DNAH6: variants seen among roughly 807,000 people sequenced by gnomAD.
The protein encoded by DNAH6 is dynein axonemal heavy chain 6, also known as axonemal beta dynein heavy chain 6.
Under a neutral mutation model 491.4 loss-of-function variants are expected in DNAH6, and 340 were observed. The ratio of observed to expected loss-of-function variants is 0.69; its 90% confidence interval spans 0.63 to 0.76. The LOEUF (loss-of-function observed/expected upper bound fraction) is 0.76. Ranked by LOEUF, DNAH6 falls within the 30% of genes least tolerant of loss-of-function variation. The pLI is 0.00. For synonymous variants in DNAH6, 1,603 were observed against 1,686.1 expected, an observed-to-expected ratio of 0.95 and a Z score of 1.21; for missense variants, 4,443 against 4,972.2, an observed-to-expected ratio of 0.89 and a Z score of 3.20.
intron 18 of DNAH6, among the ~76,000 whole-genome samples, chr2:84,601,010 A>AATATTATAATAATAATGTTATTATT (rs1685162032): frequency 7.6e-6 from 1 of 131,638 alleles, no homozygotes; most frequent in African/African-American, 3.8e-5. Context: ...ATACTATAAT[A>AATATTATAATAATAATGTTATTATT]ATATTATAAT....
chr2:84,607,415 A>T (rs1176694800), intron 21 of DNAH6, among the ~76,000 whole-genome samples: 1 of 152,150 alleles, frequency 6.6e-6, no homozygotes, highest in Non-Finnish European at 1.5e-5. Context: ...CCAAGAACAT[A>T]TAAAAGTTAT....
intron 59 of DNAH6, 67 bp from the exon 60 acceptor site, chr2:84,722,558 C>A: frequency 7.6e-7 from 1 of 1,310,130 alleles, no homozygotes; most frequent in Non-Finnish European, 1.0e-6. Context: ...TAACTGGATA[C>A]ATTCCAGAAG....
chr2:84,496,002 A>C, the DNAH6 span, among the ~76,000 whole-genome samples: 10 of 152,196 alleles, frequency 6.6e-5, no homozygotes, highest in Non-Finnish European at 1.0e-4. Flanking sequence ...CTCCCGTATA[A>C]ATTATATGAC....
Position 84,704,154 on chromosome 2 carries a change from C to A in DNAH6, c.8317C>A (p.Leu2773Ile). 6.4e-7 allele frequency: 1 copy of A among 1,551,876 alleles called. No homozygotes were observed. Among genetic ancestry groups the A allele is most frequent in the Non-Finnish European group, 8.7e-7 (1 of 1,147,022 alleles). Reference protein sequence around the residue: ...QAIADDAQRDLDEALPALDAA... With the variant: ...QAIADDAQRDIDEALPALDAA... ...AATAGCTGATGATGCTCAAAGAGAT[C>A]TTGACGAGGCACTACCTGCACTAGA... Residue 2773 changes from leucine to isoleucine, a missense_variant, in exon 51 of 77, where the codon CTT (leucine) becomes ATT (isoleucine). Leu to Ile is a conservative substitution (Grantham distance 5). This residue lies in a region of DNAH6 where 1,463 missense variants were observed against 1,656.6 expected (regional missense o/e 0.88). Transcript: ENST00000389394.
At chr2:84,709,861 T>C (rs1696868108) in intron 55 of DNAH6, among the ~76,000 whole-genome samples, 2 of 152,234 alleles carry the variant, frequency 1.3e-5, no homozygotes, top group African/African-American at 4.8e-5. Flanking sequence ...TCCTTGTTCC[T>C]AAAAGGTCTG....
chr2:84,576,608 TAG>T (rs892094253), intron 12 of DNAH6, among the ~76,000 whole-genome samples: 1 of 152,086 alleles, frequency 6.6e-6, no homozygotes, highest in Admixed American at 6.5e-5. Flanking sequence ...GTATATGCAT[TAG>T]AGAGAGAGCT....
At chr2:84,742,499 G>A (rs1311196390) in intron 62 of DNAH6, among the ~76,000 whole-genome samples, 1 of 152,128 alleles carries the variant, frequency 6.6e-6, no homozygotes, top group Non-Finnish European at 1.5e-5. Context: ...GTAGAGACCA[G>A]AGATGCTACT....
the DNAH6 span, among the ~76,000 whole-genome samples, chr2:84,466,156 T>A: frequency 6.6e-6 from 1 of 152,192 alleles, no homozygotes; most frequent in Non-Finnish European, 1.5e-5. Flanking sequence ...CCTACCGTTA[T>A]TTACTTAACT....
chr2:84,773,182 C>T lies in DNAH6; in HGVS notation c.10704-8311C>T, dbSNP rs1355504099. Among the ~76,000 whole-genome samples the T allele has an allele frequency of 2.0e-5, 3 of 152,004 alleles. No individual in the cohort carries two copies. In the East Asian group the frequency reaches 5.8e-4, roughly 29 times the overall value. Reference sequence around the variant, plus strand: ...ATGATCCTATCACTGAAGTAGTGAGCATAATACCCAATAGTTAGTTTTTCA... The same window carrying T: ...ATGATCCTATCACTGAAGTAGTGAGTATAATACCCAATAGTTAGTTTTTCA... On this transcript the variant is annotated intron_variant, in intron 64 of 76. Transcript: ENST00000389394.
At chr2:84,777,886 A>C (rs1676301602) in intron 64 of DNAH6, 1 of 1,233,600 alleles carries the variant, frequency 8.1e-7, no homozygotes, top group Admixed American at 1.7e-5. Flanking sequence ...CAACATTAGG[A>C]ATGATGAATT....
At chr2:84,794,359 G>A (rs912283951) in intron 68 of DNAH6, among the ~76,000 whole-genome samples, 1 of 151,582 alleles carries the variant, frequency 6.6e-6, no homozygotes, top group African/African-American at 2.4e-5. Context: ...CTTCTGCACA[G>A]CAAAAGAAAC....
the DNAH6 span, among the ~76,000 whole-genome samples, chr2:84,495,412 T>C: frequency 6.6e-6 from 1 of 152,238 alleles, no homozygotes; most frequent in East Asian, 1.9e-4. Context: ...ATCCATCCAC[T>C]TTGGCCTCCC....
At chr2:84,713,927 A>G (rs1434574987) in intron 57 of DNAH6, among the ~76,000 whole-genome samples, 1 of 152,062 alleles carries the variant, frequency 6.6e-6, no homozygotes, top group South Asian at 2.1e-4. Context: ...CACTCCATAC[A>G]TATGTCCCTG....
At chr2:84,488,225 A>G in the DNAH6 span, among the ~76,000 whole-genome samples, 1 of 152,174 alleles carries the variant, frequency 6.6e-6, no homozygotes, top group South Asian at 2.1e-4. Context: ...CACAAAGGTA[A>G]TGTTGTTTAA....
At chr2:84,699,258 C>T (rs1695661394) in intron 47 of DNAH6, among the ~76,000 whole-genome samples, 1 of 152,098 alleles carries the variant, frequency 6.6e-6, no homozygotes, top group African/African-American at 2.4e-5. Flanking sequence ...AACTGTGCAG[C>T]ACCCTGCCCC....
intron 4 of DNAH6, among the ~76,000 whole-genome samples, chr2:84,533,148 A>G (rs1281097066): frequency 3.3e-5 from 5 of 152,136 alleles, no homozygotes; most frequent in African/African-American, 1.2e-4. Flanking sequence ...GCAGCAAGAA[A>G]GGCTTTGCCC....
the DNAH6 span, among the ~76,000 whole-genome samples, chr2:84,480,987 C>T: frequency 6.6e-5 from 10 of 151,704 alleles, no homozygotes; most frequent in African/African-American, 2.2e-4. Context: ...AAAAAAAAGT[C>T]GTGAGGGCTT....
intron 59 of DNAH6, among the ~76,000 whole-genome samples, chr2:84,721,456 T>C (rs1022459573): frequency 1.3e-5 from 2 of 152,160 alleles, no homozygotes; most frequent in African/African-American, 4.8e-5. Flanking sequence ...GTAAATAGTC[T>C]AGACTTATAC....
At chr2:84,512,273 A>C (rs1675364535), upstream of DNAH6, among the ~76,000 whole-genome samples, 1 of 152,070 alleles carries the variant, frequency 6.6e-6, no homozygotes, top group Non-Finnish European at 1.5e-5. Flanking sequence ...GGGAAGTCCA[A>C]AGTTGAGAGG....
Sources: allele counts gnomAD v4.1 joint callset (sites outside exome capture counted in the v4.1 genomes callset), GRCh38; gene constraint gnomAD v4.1.1; regional missense constraint gnomAD v4.1.1; transcripts MANE v1.5; gene names NCBI Gene and HGNC (gene_info 2026-07-23, HGNC 2026-07-21).